Variants in PLEKHD1 observed in about 807,000 individuals in gnomAD.
PLEKHD1 encodes pleckstrin homology and coiled-coil domain containing D1.
In PLEKHD1, 51 loss-of-function variants were observed where a neutral mutation model predicts 69.2. That is an observed-to-expected ratio of 0.74 (90% CI 0.59 to 0.93). The LOEUF (loss-of-function observed/expected upper bound fraction) is 0.93, where lower values mean the gene tolerates loss of function less well. Ranked by LOEUF, PLEKHD1 falls within the 40% of genes least tolerant of loss-of-function variation. The probability of loss-of-function intolerance (pLI) is 0.00; values close to 1 mark genes in which losing one functional copy is unlikely to be tolerated. For synonymous variants in PLEKHD1, 236 were observed against 244.7 expected, an observed-to-expected ratio of 0.96 and a Z score of 0.33; for missense variants, 584 against 641.0, an observed-to-expected ratio of 0.91 and a Z score of 0.96.
chr14:69,517,219 C>T (rs1296729853), intron 6 of PLEKHD1, among the ~76,000 whole-genome samples: 1 of 152,000 alleles, frequency 6.6e-6, no homozygotes, highest in Non-Finnish European at 1.5e-5. Flanking sequence ...GCATGAATCC[C>T]AAGTTTCTCA....
chr14:69,528,124 T>C (rs1883701733), intron 12 of PLEKHD1, 126 bp from the exon 13 acceptor site: 18 of 1,410,842 alleles, frequency 1.3e-5, no homozygotes, highest in Non-Finnish European at 1.6e-5. Flanking sequence ...CCCGTGTGTG[T>C]GGGAAGGGGC....
intron 9 of PLEKHD1, 138 bp from the exon 10 acceptor site, chr14:69,526,558 TG>T: frequency 9.5e-7 from 1 of 1,055,940 alleles, no homozygotes; most frequent in Non-Finnish European, 1.3e-6. Flanking sequence ...CCTGGGTGCC[TG>T]GACCCACAAA....
At chr14:69,503,002 C>T (rs911210411) in intron 6 of PLEKHD1, 123 bp downstream of exon 6, 23 of 1,169,622 alleles carry the variant, frequency 2.0e-5, no homozygotes, top group Non-Finnish European at 1.6e-5. Context: ...TGGGGCAGGG[C>T]GGGGAGGCCA....
In PLEKHD1 at chr14:69,526,071, T is replaced by C; in HGVS notation, c.872T>C (p.Ile291Thr). ...GGCCTCCATAGCAACCTCCGGCAGA[T>C]CGAGGAGAAGATGCAGCAGCTCTTA... ...SGGLHSNLRQ[I>T]EEKMQQLLEE... The change falls in exon 9 of 13, where the codon ATC becomes ACC. Residue 291 changes from isoleucine (I) to threonine (T), a missense_variant. Transcript: ENST00000322564. 3.2e-6 allele frequency: 5 copies of C among 1,551,526 alleles called. No individual in the cohort carries two copies. The highest frequency in any genetic ancestry group is 4.4e-6 in the Non-Finnish European group (5 of 1,146,952).
intron 1 of PLEKHD1, among the ~76,000 whole-genome samples, chr14:69,498,588 T>TTCTCTTCTCTTCTCTTCTCTTCTC (rs1882943270): frequency 1.8e-5 from 2 of 108,584 alleles, no homozygotes; most frequent in Admixed American, 1.0e-4. Flanking sequence ...TTCTTTTTGT[T>TTCTCTTCTCTTCTCTTCTCTTCTC]TTCTCTTCTC....
chr14:69,488,610 G>A (rs959356574), intron 1 of PLEKHD1, among the ~76,000 whole-genome samples: 2 of 152,130 alleles, frequency 1.3e-5, no homozygotes, highest in Non-Finnish European at 2.9e-5. Flanking sequence ...GGGGAACAGT[G>A]ACCAGGTGGC....
Position 69,513,242 on chromosome 14 carries a change from A to T in PLEKHD1, c.556-9041A>T, listed in dbSNP as rs868305046. Among the ~76,000 whole-genome samples the T allele has an allele frequency of 1.0e-4, 15 of 149,474 alleles. No individual in the cohort carries two copies. The South Asian group carries it at 3.2e-3, about 32-fold the overall frequency. On this transcript the variant is annotated intron_variant, in intron 6 of 12. Coordinates refer to ENST00000322564, the MANE Select transcript of PLEKHD1 (RefSeq NM_001161498.2). The stretch of plus-strand genomic sequence containing the variant: ...TCAAAAATAAAATAAAATAAAATAA[A>T]ATAATAAAATAAAATAAAATAAAAT...
Position 69,527,191 on chromosome 14 carries a change from G to C in PLEKHD1, c.1060G>C (p.Glu354Gln). ...KQQAERELKA[E>Q]VKVRMDLERR... The stretch of plus-strand genomic sequence containing the variant: ...ATTTCCCTCTCCTCAACCTCAGGCT[G>C]AGGTGAAGGTCCGCATGGACCTGGA... The change falls in exon 11 of 13, where the codon GAG becomes CAG. Residue 354 changes from glutamate (E) to glutamine (Q), a missense_variant. Coordinates refer to ENST00000322564, the MANE Select transcript of PLEKHD1 (RefSeq NM_001161498.2). 1 of 1,543,962 alleles carries C rather than the reference G, an allele frequency of 6.5e-7. No individual in the cohort carries two copies. The highest frequency in any genetic ancestry group is 8.7e-7 in the Non-Finnish European group (1 of 1,143,966).
the PLEKHD1 span, among the ~76,000 whole-genome samples, chr14:69,472,299 T>A: frequency 6.6e-6 from 1 of 152,200 alleles, no homozygotes; most frequent in African/African-American, 2.4e-5. Context: ...CATCCTCCCG[T>A]ATACTGTTTA....
intron 6 of PLEKHD1, among the ~76,000 whole-genome samples, chr14:69,511,398 T>C (rs1488064542): frequency 1.3e-5 from 2 of 152,152 alleles, no homozygotes; most frequent in East Asian, 1.9e-4. Context: ...CCTCAGATAA[T>C]CCACCTGCCT....
chr14:69,523,195 G>C (rs61982439), intron 7 of PLEKHD1, among the ~76,000 whole-genome samples: 1 of 152,114 alleles, frequency 6.6e-6, no homozygotes, highest in African/African-American at 2.4e-5. Context: ...GCCTCCCAAA[G>C]TGTTGGGATT....
intron 1 of PLEKHD1, among the ~76,000 whole-genome samples, chr14:69,491,489 T>C (rs1882775924): frequency 1.3e-5 from 2 of 152,198 alleles, no homozygotes; most frequent in Admixed American, 6.5e-5. Flanking sequence ...TACAGGATTT[T>C]CCCCAAATTC....
Position 69,527,234 on chromosome 14 carries a change from C to T in PLEKHD1, c.1103C>T (p.Ala368Val). 5 of 1,551,628 alleles carry T rather than the reference C, an allele frequency of 3.2e-6. No individual in the cohort carries two copies. The highest frequency in any genetic ancestry group is 3.5e-6 in the Non-Finnish European group (4 of 1,146,946). ...RMDLERRLREAEGALRSLEQG... is the reference protein window; with the variant it reads ...RMDLERRLREVEGALRSLEQG... ...GACCTGGAGAGGCGTCTCCGGGAGG[C>T]AGAAGGGGCCTTGCGAAGCCTGGAA... Residue 368 changes from alanine (A) to valine (V), a missense_variant, in exon 11 of 13, where the codon GCA (alanine) becomes GTA (valine). Transcript: ENST00000322564.
chr14:69,474,878 G>A, the PLEKHD1 span, among the ~76,000 whole-genome samples: 1 of 152,136 alleles, frequency 6.6e-6, no homozygotes, highest in African/African-American at 2.4e-5. Flanking sequence ...AAAAGAGATT[G>A]GAGATCTCGT....
In PLEKHD1 at chr14:69,524,308, C is replaced by A; in HGVS notation, c.730C>A (p.Gln244Lys). Residue 244 changes from glutamine (Q) to lysine (K), a missense_variant, in exon 8 of 13, where the codon CAG becomes AAG. By Grantham distance (53) the Gln-to-Lys change is moderately conservative (BLOSUM62 1). Transcript: ENST00000322564. The part of the protein sequence containing the change: ...KELRHLTESL[Q>K]QTLEELSIEK... ...ACTGAGGCACCTCACGGAGTCCTTG[C>A]AGCAGACACTGGAGGTGAGGGGCTG... The A allele has an allele frequency of 6.4e-7, 1 of 1,551,544 alleles. No individual in the cohort carries two copies. The highest frequency in any genetic ancestry group is 8.7e-7 in the Non-Finnish European group (1 of 1,146,920).
upstream of PLEKHD1, among the ~76,000 whole-genome samples, chr14:69,480,549 AATAACG>A (rs1448697670): frequency 1.3e-5 from 2 of 152,240 alleles, no homozygotes; most frequent in Non-Finnish European, 2.9e-5. Context: ...ATGGTAGTCC[AATAACG>A]ATGACTCCAG....
chr14:69,468,593 T>C, the PLEKHD1 span, among the ~76,000 whole-genome samples: 1 of 152,076 alleles, frequency 6.6e-6, no homozygotes, highest in Admixed American at 6.6e-5. Context: ...TTCTTTTCTT[T>C]CTGGGTCTTG....
At chr14:69,503,763 C>G (rs1221218171) in intron 6 of PLEKHD1, 1 of 147,424 alleles carries the variant, frequency 6.8e-6, no homozygotes, top group Non-Finnish European at 1.5e-5. Flanking sequence ...TTTCGGGCAG[C>G]TGAGGCAGGA....
intron 7 of PLEKHD1, among the ~76,000 whole-genome samples, chr14:69,523,686 T>C (rs1450105053): frequency 6.6e-6 from 1 of 152,172 alleles, no homozygotes; most frequent in Admixed American, 6.5e-5. Flanking sequence ...GCTTGTGGGC[T>C]TGAATACAGG....
Sources: gnomAD v4.1 joint callset for allele counts (sites outside exome capture counted in the v4.1 genomes callset) on GRCh38, gnomAD v4.1.1 for gene constraint, MANE v1.5 for transcripts, NCBI Gene and HGNC (gene_info 2026-07-23, HGNC 2026-07-21) for gene names.